Variants in CEP128 observed in about 807,000 individuals in gnomAD.
The protein encoded by CEP128 is centrosomal protein 128.
In CEP128, 132 loss-of-function variants were observed where a neutral mutation model predicts 156.7. The ratio of observed to expected loss-of-function variants is 0.84; its 90% CI spans 0.73 to 0.97. The LOEUF (loss-of-function observed/expected upper bound fraction) is 0.97. CEP128 is among the 50% of genes least tolerant of loss of function. The pLI is 0.00. For synonymous variants in CEP128, 469 were observed against 448.9 expected (o/e 1.04, Z -0.57); for missense variants, 1,252 against 1,281.9 (o/e 0.98, Z 0.36).
At chr14:80,747,813 C>A (rs2139621472) in intron 18 of CEP128, among the ~76,000 whole-genome samples, 1 of 152,154 alleles carries the variant, frequency 6.6e-6, no homozygotes, top group East Asian at 1.9e-4. Flanking sequence ...TCTCAAATGT[C>A]CTGAATAGAC....
chr14:80,909,771 G>C (rs1451366507), intron 4 of CEP128, among the ~76,000 whole-genome samples: 2 of 152,080 alleles, frequency 1.3e-5, no homozygotes, highest in Non-Finnish European at 2.9e-5. Context: ...GTGATGTATG[G>C]AGCCAATTTG....
At chr14:80,490,161 T>C (rs1038207848), downstream of CEP128, among the ~76,000 whole-genome samples, 3 of 152,086 alleles carry the variant, frequency 2.0e-5, no homozygotes, top group Admixed American at 6.6e-5. Flanking sequence ...ATGAATCATA[T>C]GTGGCTATCA....
chr14:80,542,932 G>A (rs1889829473), intron 21 of CEP128, among the ~76,000 whole-genome samples: 1 of 152,090 alleles, frequency 6.6e-6, no homozygotes, highest in Non-Finnish European at 1.5e-5. Context: ...TCAAAATAAA[G>A]GGCTATTTTC....
chr14:80,619,252 A>T (rs1893359797), intron 19 of CEP128, among the ~76,000 whole-genome samples: 1 of 152,176 alleles, frequency 6.6e-6, no homozygotes, highest in Non-Finnish European at 1.5e-5. Context: ...ACTCAAGGAA[A>T]TGTTTATGAG....
intron 10 of CEP128, among the ~76,000 whole-genome samples, chr14:80,839,242 G>GT (rs1427751603): frequency 7.9e-5 from 12 of 152,222 alleles, no homozygotes; most frequent in Admixed American, 2.0e-4. Flanking sequence ...TTTGCATTCT[G>GT]TAACAGTAAG....
At position 80,798,458 on chromosome 14, in the gene CEP128, A is replaced by G. The variant is rs190426332; in HGVS notation, c.1210-5348T>C. Among the ~76,000 whole-genome samples the G allele has an allele frequency of 5.2e-4, 79 of 152,338 alleles. 2 individuals are homozygous for G. The highest frequency in any genetic ancestry group is 1.9e-4 in the Non-Finnish European group (13 of 68,026). ...TTCTCCAGCAGTGAATTCTGACAAC[A>G]CATATAAAGTGTTATCTATGAGGAA... On this transcript the variant is annotated intron_variant, in intron 13 of 24. Transcript: ENST00000555265.
chr14:80,897,153 C>A (rs1052023087), intron 7 of CEP128, among the ~76,000 whole-genome samples: 3 of 152,246 alleles, frequency 2.0e-5, no homozygotes, highest in African/African-American at 7.2e-5. Context: ...TAAAAATGAG[C>A]AAACTGCAAG....
intron 23 of CEP128, among the ~76,000 whole-genome samples, chr14:80,518,756 A>T (rs909382151): frequency 2.6e-5 from 4 of 152,192 alleles, no homozygotes; most frequent in African/African-American, 9.7e-5. Flanking sequence ...GAAAATGAGG[A>T]GGTTTAACTC....
intron 19 of CEP128, among the ~76,000 whole-genome samples, chr14:80,671,982 T>C (rs1376942823): frequency 1.3e-5 from 2 of 152,126 alleles, no homozygotes; most frequent in Non-Finnish European, 2.9e-5. Flanking sequence ...TAAAAGCACC[T>C]TTCACAATTC....
At chr14:80,798,300 T>C (rs1209596841) in intron 13 of CEP128, among the ~76,000 whole-genome samples, 1 of 152,128 alleles carries the variant, frequency 6.6e-6, no homozygotes, top group African/African-American at 2.4e-5. Flanking sequence ...CATATTACAG[T>C]CATAATTATG....
At chr14:80,500,780 CTT>C (rs1338171960) in intron 24 of CEP128, among the ~76,000 whole-genome samples, 1 of 152,138 alleles carries the variant, frequency 6.6e-6, no homozygotes, top group Non-Finnish European at 1.5e-5. Flanking sequence ...CACCCACCCC[CTT>C]CTCCTCACCC....
At chr14:80,851,634 A>G (rs1166143062) in intron 9 of CEP128, among the ~76,000 whole-genome samples, 1 of 152,064 alleles carries the variant, frequency 6.6e-6, no homozygotes, top group African/African-American at 2.4e-5. Flanking sequence ...GGGAAAAAGA[A>G]ACAAAAAGAG....
chr14:80,561,889 C>T (rs902852537), intron 20 of CEP128, among the ~76,000 whole-genome samples: 1 of 99,004 alleles, frequency 1.0e-5, no homozygotes, highest in African/African-American at 4.0e-5. Context: ...TGTTGAAATA[C>T]GAAGGTCTAT....
chr14:80,622,130 A>T (rs1240711469), intron 19 of CEP128, among the ~76,000 whole-genome samples: 1 of 152,208 alleles, frequency 6.6e-6, no homozygotes, highest in Non-Finnish European at 1.5e-5. Flanking sequence ...CAGATGTGGG[A>T]TAGGCTTTCT....
At chr14:80,661,195 G>A (rs1383116693) in intron 19 of CEP128, among the ~76,000 whole-genome samples, 1 of 151,484 alleles carries the variant, frequency 6.6e-6, no homozygotes, top group Non-Finnish European at 1.5e-5. Context: ...AAAATAAAAC[G>A]TGCTCCCCCC....
At chr14:80,795,882 C>T (rs1883441167) in intron 13 of CEP128, among the ~76,000 whole-genome samples, 1 of 152,150 alleles carries the variant, frequency 6.6e-6, no homozygotes, top group African/African-American at 2.4e-5. Flanking sequence ...AGACAAATAG[C>T]CTATCTCTGC....
At chr14:80,494,228 A>G (rs1041615128), downstream of CEP128, among the ~76,000 whole-genome samples, 4 of 152,194 alleles carry the variant, frequency 2.6e-5, no homozygotes, top group African/African-American at 9.6e-5. Flanking sequence ...GCTAAGGTTC[A>G]TAATTTAGTT....
At chr14:80,647,848 G>C (rs1336559195) in intron 19 of CEP128, among the ~76,000 whole-genome samples, 2 of 152,088 alleles carry the variant, frequency 1.3e-5, no homozygotes, top group Non-Finnish European at 2.9e-5. Context: ...ACAACACTTT[G>C]TCTGCATTAA....
rs138857141 is a variant in CEP128, at chr14:80,793,654, A to G, written c.1210-544T>C. 8.6e-4 allele frequency among the ~76,000 whole-genome samples: 131 copies of G among 152,334 alleles called. No homozygotes were observed. The Middle Eastern group carries it at 0.024, about 28-fold the overall frequency. On this transcript the variant is annotated intron_variant, in intron 13 of 24. Transcript: ENST00000555265. ...TTATTTCCAGATAAACCAACATAATATTATACATTGAAGCACTTATCTCAA... is the reference window on the plus strand; with the variant it reads ...TTATTTCCAGATAAACCAACATAATGTTATACATTGAAGCACTTATCTCAA...
Sources: allele counts gnomAD v4.1 joint callset (sites outside exome capture counted in the v4.1 genomes callset), GRCh38; gene constraint gnomAD v4.1.1; transcripts MANE v1.5; gene names NCBI Gene and HGNC (gene_info 2026-07-23, HGNC 2026-07-21).